The following TBCD variants were observed in gnomAD, a reference collection of about 807,000 sequenced individuals.
The protein encoded by TBCD is tubulin folding cofactor D, also known as tubulin-specific chaperone D.
Under a neutral mutation model 169.3 loss-of-function variants are expected in TBCD, and 105 were observed. That is an observed-to-expected ratio of 0.62 (90% CI 0.53 to 0.73). The LOEUF (loss-of-function observed/expected upper bound fraction) is 0.73, where lower values mean the gene tolerates loss of function less well. TBCD is among the 30% of genes least tolerant of loss of function. The pLI is 0.00. For synonymous variants in TBCD, 700 were observed against 643.9 expected, an observed-to-expected ratio of 1.09 and a Z score of -1.32; for missense variants, 1,444 against 1,600.1, an observed-to-expected ratio of 0.90 and a Z score of 1.66.
At chr17:82,927,042 A>G in intron 28 of TBCD, 144 bp from the exon 29 acceptor site, 1 of 1,116,180 alleles carries the variant, frequency 9.0e-7, no homozygotes, top group Non-Finnish European at 1.3e-6. Flanking sequence ...ATGTGGAAGG[A>G]GCTCTGTGTT....
chr17:82,760,492 T>C (rs887592566), intron 2 of TBCD, among the ~76,000 whole-genome samples: 3 of 152,230 alleles, frequency 2.0e-5, no homozygotes, highest in African/African-American at 7.2e-5. Flanking sequence ...GTTTTGTCTT[T>C]TATTGCTCTT....
At chr17:82,863,430 C>G (rs2056931996) in intron 13 of TBCD, among the ~76,000 whole-genome samples, 1 of 152,214 alleles carries the variant, frequency 6.6e-6, no homozygotes, top group African/African-American at 2.4e-5. Context: ...GGAAAGCTCT[C>G]CGAGAGCGAC....
intron 2 of TBCD, among the ~76,000 whole-genome samples, chr17:82,760,440 G>A (rs1457838136): frequency 6.6e-6 from 1 of 152,152 alleles, no homozygotes; most frequent in African/African-American, 2.4e-5. Context: ...ATTTTCTTTA[G>A]ATGATTCCTG....
rs780074965 is a variant in TBCD, at chr17:82,831,409, A to G, written c.1318+16475A>G. On this transcript the variant is annotated intron_variant, in intron 13 of 38. Coordinates refer to ENST00000355528, the MANE Select transcript of TBCD (RefSeq NM_005993.5). The surrounding 1 kb of genome is among the most constrained non-coding windows in gnomAD (Gnocchi z 4.6). ...ATAGACCAGGGTGGCTTCTTCAAGC[A>G]GGTGAGAGCTCTGATCTCGGGTGAG... The G allele has an allele frequency of 2.5e-6, 4 of 1,614,072 alleles. No individual in the cohort carries two copies. In the East Asian group the frequency reaches 6.7e-5, roughly 27 times the overall value.
intron 13 of TBCD, among the ~76,000 whole-genome samples, chr17:82,839,524 C>G (rs1189703677): frequency 6.6e-6 from 1 of 150,588 alleles, no homozygotes; most frequent in African/African-American, 2.5e-5. Flanking sequence ...ATACACCACA[C>G]ATATAACCCT....
chr17:82,859,637 G>A (rs1475010699), intron 13 of TBCD: 2 of 985,370 alleles, frequency 2.0e-6, no homozygotes, highest in African/African-American at 1.7e-5. Flanking sequence ...AAGAGTGGAG[G>A]TTGGAGTTCA....
chr17:82,919,236 A>G (rs8067888), intron 23 of TBCD, among the ~76,000 whole-genome samples: 38,814 of 151,944 alleles, frequency 0.26, 4,926 homozygotes, highest in Middle Eastern at 0.31. Context: ...GGGTTTTTCT[A>G]ACTTGTGGTA....
chr17:82,783,136 G>A (rs1231466287), intron 7 of TBCD, among the ~76,000 whole-genome samples: 2 of 150,238 alleles, frequency 1.3e-5, no homozygotes, highest in East Asian at 2.0e-4. Context: ...GGGGGCATAC[G>A]TTTCTTGAGG....
chr17:82,926,811 G>T (rs549543311), intron 28 of TBCD: 4 of 508,128 alleles, frequency 7.9e-6, no homozygotes, highest in Non-Finnish European at 1.4e-5. Flanking sequence ...TGACAGACAC[G>T]CACCTGGGGC....
chr17:82,878,134 G>A (rs2058092388), intron 14 of TBCD, among the ~76,000 whole-genome samples: 2 of 152,204 alleles, frequency 1.3e-5, no homozygotes, highest in South Asian at 4.1e-4. Context: ...GTGCAGTGTG[G>A]GATAAAGGCC....
Position 82,903,457 on chromosome 17 carries a change from C to T in TBCD, c.1783C>T (p.Pro595Ser), listed in dbSNP as rs2146728809. ...RALHNLAQQA[P>S]EFSATQVFPR... is the part of the protein sequence containing the mutation. ...GCTGCACAACCTGGCCCAGCAGGCACCCGAGTTCAGCGCCACGCAAGGTGG... is the reference window on the plus strand; with the variant it reads ...GCTGCACAACCTGGCCCAGCAGGCATCCGAGTTCAGCGCCACGCAAGGTGG... Residue 595 changes from proline (P) to serine (S), a missense_variant, in exon 19 of 39, where the codon CCC (proline) becomes TCC (serine). Transcript: ENST00000355528. This position sits in a 1 kb window ranked among gnomAD's most constrained non-coding sequence, Gnocchi z 4.8. The T allele has an allele frequency of 3.8e-6, 6 of 1,599,930 alleles. No individual in the cohort carries two copies. The highest frequency in any genetic ancestry group is 5.1e-6 in the Non-Finnish European group (6 of 1,173,348).
intron 13 of TBCD, chr17:82,829,960 A>C: frequency 1.0e-6 from 1 of 986,848 alleles, no homozygotes; most frequent in Non-Finnish European, 1.5e-6. Flanking sequence ...TTTAATATTC[A>C]TGCTTAATAT....
rs186565164 is a variant in TBCD at position 82,921,769 on chromosome 17, A to G, written c.2178+192A>G. ...ACACGGTTTATAACCAGAAAATCCA[A>G]TACAGCCATTGGAATCCGAATGTTT... On this transcript the variant is annotated intron_variant, in intron 25 of 38. Coordinates refer to ENST00000355528, the MANE Select transcript of TBCD (RefSeq NM_005993.5). 3.8e-3 allele frequency among the ~76,000 whole-genome samples: 581 copies of G among 152,378 alleles called. 5 individuals are homozygous for G. The highest frequency in any genetic ancestry group is 0.014 in the African/African-American group (564 of 41,586).
rs985138639 is a variant in TBCD, at chr17:82,927,951, C to G, written c.2656C>G (p.Leu886Val). The G allele has an allele frequency of 1.2e-6, 2 of 1,613,098 alleles. No individual in the cohort carries two copies. The highest frequency in any genetic ancestry group is 1.7e-6 in the Non-Finnish European group (2 of 1,179,804). ...CAGTCTGATGGATCTGACACTTCTG[C>G]TGGCTCGGAGCCAGCCTGAGCTGAT... Reference protein sequence around the residue: ...MTSLMDLTLLLARSQPELIEA... With the variant: ...MTSLMDLTLLVARSQPELIEA... Residue 886 changes from leucine (L) to valine (V), a missense_variant, in exon 30 of 39, where the codon CTG becomes GTG. Leu to Val is a conservative substitution (Grantham distance 32). Transcript: ENST00000355528.
chr17:82,914,183 C>T (rs1191432695), intron 23 of TBCD: 1 of 152,262 alleles, frequency 6.6e-6, no homozygotes, highest in Admixed American at 6.5e-5. Flanking sequence ...AAAAAGGCGC[C>T]CTTACCGCGG....
At chr17:82,926,620 A>AG (rs1190331232) in intron 28 of TBCD, 129 bp downstream of exon 28, 8 of 742,236 alleles carry the variant, frequency 1.1e-5, no homozygotes, top group Non-Finnish European at 1.8e-5. Context: ...TCTCTTCCAG[A>AG]GGATCGTCAG....
At chr17:82,846,026 C>T (rs944043033) in intron 13 of TBCD, among the ~76,000 whole-genome samples, 5 of 152,224 alleles carry the variant, frequency 3.3e-5, no homozygotes, top group African/African-American at 9.7e-5. Flanking sequence ...CATTCTATCC[C>T]CCGAGGGCAC....
intron 13 of TBCD, among the ~76,000 whole-genome samples, chr17:82,856,750 GCT>G (rs1567899571): frequency 1.3e-5 from 2 of 148,182 alleles, no homozygotes; most frequent in South Asian, 2.1e-4. Flanking sequence ...GCGGACCCTC[GCT>G]GCGCATCCAG....
intron 1 of TBCD, 119 bp downstream of exon 1, chr17:82,752,496 G>C (rs2047151561): frequency 2.4e-6 from 2 of 837,668 alleles, no homozygotes; most frequent in Non-Finnish European, 3.0e-6. Flanking sequence ...AGGGCTGCCG[G>C]TGCGCGGTCC....
Sources: gnomAD v4.1 joint callset for allele counts (sites outside exome capture counted in the v4.1 genomes callset) on GRCh38, gnomAD v4.1.1 for gene constraint, Gnocchi (gnomAD v3.1) non-coding constraint, MANE v1.5 for transcripts, NCBI Gene and HGNC (gene_info 2026-07-23, HGNC 2026-07-21) for gene names.